MBOAT1: variants seen among roughly 807,000 people sequenced by gnomAD.
The protein encoded by MBOAT1 is membrane-bound glycerophospholipid O-acyltransferase 1.
MBOAT1 carries 67 observed loss-of-function variants against 64.4 expected under a neutral mutation model. That is an observed-to-expected ratio of 1.04 (90% CI 0.85 to 1.27). The LOEUF (loss-of-function observed/expected upper bound fraction) is 1.27, where lower values mean the gene tolerates loss of function less well. MBOAT1 is among the 50% of genes most tolerant of loss of function. The pLI is 0.00. For synonymous variants in MBOAT1, 229 were observed against 218.9 expected, an observed-to-expected ratio of 1.05 and a Z score of -0.41; for missense variants, 563 against 604.6, an observed-to-expected ratio of 0.93 and a Z score of 0.72.
intron 12 of MBOAT1, among the ~76,000 whole-genome samples, chr6:20,107,607 G>C (rs1221778629): frequency 5.3e-5 from 8 of 152,164 alleles, no homozygotes; most frequent in Non-Finnish European, 1.2e-4. Context: ...ACCCCAGTGA[G>C]AGCAGAAATG....
intron 11 of MBOAT1, among the ~76,000 whole-genome samples, chr6:20,111,725 G>A (rs1760141833): frequency 6.7e-6 from 1 of 149,806 alleles, no homozygotes; most frequent in African/African-American, 2.5e-5. Context: ...TGTCTCCCCT[G>A]TTTTCTATGT....
intron 12 of MBOAT1, among the ~76,000 whole-genome samples, chr6:20,103,522 C>T (rs1032080054): frequency 1.3e-5 from 2 of 149,984 alleles, no homozygotes; most frequent in African/African-American, 4.9e-5. Flanking sequence ...ACCTCCAACT[C>T]CTGGGTTCAA....
At chr6:20,154,872 C>T (rs1241489557) in intron 1 of MBOAT1, among the ~76,000 whole-genome samples, 1 of 152,166 alleles carries the variant, frequency 6.6e-6, no homozygotes, top group East Asian at 1.9e-4. Flanking sequence ...TAAACTGGCA[C>T]CCAATAAACA....
At chr6:20,136,255 T>C (rs960619992) in intron 4 of MBOAT1, among the ~76,000 whole-genome samples, 4 of 152,188 alleles carry the variant, frequency 2.6e-5, no homozygotes, top group Non-Finnish European at 4.4e-5. Context: ...TTCAGAACCA[T>C]CCAGGGGTGA....
At chr6:20,125,365 C>T (rs1760620044) in intron 7 of MBOAT1, among the ~76,000 whole-genome samples, 1 of 152,192 alleles carries the variant, frequency 6.6e-6, no homozygotes, top group Non-Finnish European at 1.5e-5. Context: ...GTGAACAGTG[C>T]CTGGATCCCA....
At chr6:20,120,730 G>A (rs1317864210) in intron 8 of MBOAT1, among the ~76,000 whole-genome samples, 2 of 152,108 alleles carry the variant, frequency 1.3e-5, no homozygotes, top group Non-Finnish European at 1.5e-5. Context: ...CCTAGAACTT[G>A]ATTCCACAAC....
At chr6:20,202,873 TAGAA>T (rs1194525914) in intron 1 of MBOAT1, among the ~76,000 whole-genome samples, 1 of 152,192 alleles carries the variant, frequency 6.6e-6, no homozygotes, top group African/African-American at 2.4e-5. Context: ...TGACTTAAAA[TAGAA>T]AGCCTTTGAA....
chr6:20,102,788 T>C (rs948834995), intron 12 of MBOAT1, among the ~76,000 whole-genome samples: 7 of 152,186 alleles, frequency 4.6e-5, no homozygotes, highest in African/African-American at 1.7e-4. Flanking sequence ...TGACACTTAA[T>C]GACATTTCAG....
At chr6:20,111,870 A>ATATATATATACATATATATACATG (rs1491359464) in intron 11 of MBOAT1, among the ~76,000 whole-genome samples, 1 of 117,102 alleles carries the variant, frequency 8.5e-6, no homozygotes, top group Non-Finnish European at 1.6e-5. Flanking sequence ...ATATATATAC[A>ATATATATATACATATATATACATG]TATATATATG....
In MBOAT1 at chr6:20,101,194, A is replaced by G. The variant is rs2113617144; in HGVS notation, c.*1092T>C. Among the ~76,000 whole-genome samples, 1 of 152,334 alleles carries G rather than the reference A, an allele frequency of 6.6e-6. No homozygotes were observed. Among genetic ancestry groups the G allele is most frequent in the South Asian group, 2.1e-4 (1 of 4,828 alleles). On this transcript the variant is annotated 3_prime_UTR_variant, in exon 13 of 13. Coordinates refer to ENST00000324607, the MANE Select transcript of MBOAT1 (RefSeq NM_001080480.3). ...AGGCATTCTGCTGCCTTTCTGAGGC[A>G]TGAACATTTGGGTGTCTTCTCAAGA...
intron 12 of MBOAT1, among the ~76,000 whole-genome samples, chr6:20,108,442 G>T (rs772073107): frequency 2.6e-4 from 39 of 152,144 alleles, no homozygotes; most frequent in Non-Finnish European, 4.9e-4. Flanking sequence ...TAGTATAAAA[G>T]CATATATTGT....
At chr6:20,110,363 C>T (rs981509069) in intron 11 of MBOAT1, among the ~76,000 whole-genome samples, 1 of 151,956 alleles carries the variant, frequency 6.6e-6, no homozygotes, top group African/African-American at 2.4e-5. Context: ...AAGGCACATG[C>T]CACCATGCCC....
chr6:20,178,803 G>A (rs1489900881), intron 1 of MBOAT1, among the ~76,000 whole-genome samples: 1 of 152,104 alleles, frequency 6.6e-6, no homozygotes, highest in Middle Eastern at 3.2e-3. Context: ...TCATTGTCTG[G>A]TATGAACTGA....
At chr6:20,135,715 G>A (rs1258756807) in intron 4 of MBOAT1, among the ~76,000 whole-genome samples, 1 of 152,090 alleles carries the variant, frequency 6.6e-6, no homozygotes, top group African/African-American at 2.4e-5. Flanking sequence ...CTCCCAACAG[G>A]TAATTTTAGA....
chr6:20,195,289 T>C (rs1455376752), intron 1 of MBOAT1, among the ~76,000 whole-genome samples: 3 of 152,196 alleles, frequency 2.0e-5, no homozygotes, highest in Admixed American at 6.5e-5. Context: ...CATAATCGAA[T>C]GCTTTTTTAC....
chr6:20,181,850 TGA>T (rs1164835597), intron 1 of MBOAT1, among the ~76,000 whole-genome samples: 12 of 152,282 alleles, frequency 7.9e-5, no homozygotes, highest in African/African-American at 2.9e-4. Flanking sequence ...CTCTGAATAA[TGA>T]GAGATTAGTT....
At chr6:20,123,917 G>T (rs960315450) in intron 8 of MBOAT1, among the ~76,000 whole-genome samples, 1 of 152,110 alleles carries the variant, frequency 6.6e-6, no homozygotes, top group Non-Finnish European at 1.5e-5. Flanking sequence ...AATTAGCTGG[G>T]TGTGGTGGCG....
At chr6:20,176,089 G>A (rs1762335372) in intron 1 of MBOAT1, among the ~76,000 whole-genome samples, 1 of 152,156 alleles carries the variant, frequency 6.6e-6, no homozygotes, top group Admixed American at 6.5e-5. Flanking sequence ...TTCAAGACCA[G>A]CCTGGGCAAC....
chr6:20,113,318 C>T (rs756771744), intron 10 of MBOAT1, among the ~76,000 whole-genome samples: 1 of 152,230 alleles, frequency 6.6e-6, no homozygotes, highest in Non-Finnish European at 1.5e-5. Flanking sequence ...TCACTTTCCA[C>T]CCAACAGGAG....
Sources: gnomAD v4.1 joint callset for allele counts (sites outside exome capture counted in the v4.1 genomes callset) on GRCh38, gnomAD v4.1.1 for gene constraint, MANE v1.5 for transcripts, NCBI Gene and HGNC (gene_info 2026-07-23, HGNC 2026-07-21) for gene names.